Variants in ASIC2 observed in about 807,000 individuals in gnomAD.
ASIC2 encodes the protein acid-sensing ion channel 2.
A neutral mutation model predicts 57.3 loss-of-function variants in ASIC2; 25 were observed. The observed-to-expected ratio is 0.44, with a 90% confidence interval of 0.32 to 0.61. The LOEUF is 0.61. ASIC2 is among the 20% of genes least tolerant of loss of function. The pLI is 0.06. For synonymous variants in ASIC2, 319 were observed against 307.5 expected (o/e 1.04, Z -0.39); for missense variants, 641 against 738.1 (o/e 0.87, Z 1.52).
Position 33,319,072 on chromosome 17 carries a change from C to T in ASIC2, c.556-207005G>A, listed in dbSNP as rs77294638. Among the ~76,000 whole-genome samples the T allele has an allele frequency of 8.3e-3, 1,266 of 152,258 alleles. 10 individuals carry two copies. The highest frequency in any genetic ancestry group is 0.023 in the South Asian group (109 of 4,820). ...TTGAGATCAAGAGTTTGAGACCAGC[C>T]TGACCAACATGGCCAGGTGTGGTGG... On this transcript the variant is annotated intron_variant, in intron 1 of 9. Coordinates refer to the ASIC2 transcript ENST00000359872.
At chr17:33,111,870 G>C in intron 2 of ASIC2, 47 bp downstream of exon 2, 1 of 1,566,906 alleles carries the variant, frequency 6.4e-7, no homozygotes, top group Non-Finnish European at 8.7e-7. Context: ...AGTCAGGCCT[G>C]CAACCCTCCA....
chr17:33,171,356 C>T (rs2142049032), intron 1 of ASIC2, among the ~76,000 whole-genome samples: 1 of 152,290 alleles, frequency 6.6e-6, no homozygotes, highest in South Asian at 2.1e-4. Flanking sequence ...TCAGAGGCTC[C>T]TCAAACTCAA....
chr17:33,798,409 A>C (rs1254166802), intron 1 of ASIC2, among the ~76,000 whole-genome samples: 3 of 152,142 alleles, frequency 2.0e-5, no homozygotes, highest in Admixed American at 6.5e-5. Context: ...CAAAATATTC[A>C]GTGGTGACGC....
At chr17:34,101,559 A>T (rs946792661) in intron 1 of ASIC2, among the ~76,000 whole-genome samples, 5 of 152,210 alleles carry the variant, frequency 3.3e-5, no homozygotes, top group Non-Finnish European at 7.3e-5. Context: ...TAATGATTTA[A>T]TAATATATTT....
At chr17:33,738,618 A>G (rs1909999937) in intron 1 of ASIC2, among the ~76,000 whole-genome samples, 1 of 152,144 alleles carries the variant, frequency 6.6e-6, no homozygotes, top group African/African-American at 2.4e-5. Context: ...CCTCTGTGTC[A>G]GTGCCCCACC....
chr17:34,018,580 T>C (rs1286715867), intron 1 of ASIC2, among the ~76,000 whole-genome samples: 1 of 152,242 alleles, frequency 6.6e-6, no homozygotes, highest in Non-Finnish European at 1.5e-5. Context: ...ATCACCATTC[T>C]AGATATAATT....
At chr17:33,934,948 G>T (rs1916027638) in intron 1 of ASIC2, among the ~76,000 whole-genome samples, 1 of 152,174 alleles carries the variant, frequency 6.6e-6, no homozygotes, top group Non-Finnish European at 1.5e-5. Context: ...GTGCTGGAAA[G>T]GTCCTCATAC....
At chr17:33,800,255 G>T (rs1169504925) in intron 1 of ASIC2, among the ~76,000 whole-genome samples, 1 of 152,144 alleles carries the variant, frequency 6.6e-6, no homozygotes, top group East Asian at 1.9e-4. Flanking sequence ...TCCTAAAGAA[G>T]TTCAACTTGG....
At chr17:33,288,583 C>T (rs986786298) in intron 1 of ASIC2, among the ~76,000 whole-genome samples, 2 of 152,102 alleles carry the variant, frequency 1.3e-5, no homozygotes, top group Non-Finnish European at 2.9e-5. Context: ...ACTACTCTGG[C>T]TGTAAAGCAG....
upstream of ASIC2, among the ~76,000 whole-genome samples, chr17:33,293,775 G>A (rs1905607285): frequency 6.6e-6 from 1 of 152,098 alleles, no homozygotes; most frequent in Non-Finnish European, 1.5e-5. Flanking sequence ...AGAGTGTGGT[G>A]CATGCAGGAT....
chr17:33,884,668 C>T (rs1914784706), intron 1 of ASIC2, among the ~76,000 whole-genome samples: 1 of 152,078 alleles, frequency 6.6e-6, no homozygotes, highest in East Asian at 1.9e-4. Flanking sequence ...TCCATGCAGG[C>T]TCTTATATCT....
intron 1 of ASIC2, among the ~76,000 whole-genome samples, chr17:34,075,131 A>G (rs11658161): frequency 0.17 from 25,757 of 152,072 alleles, 3,013 homozygotes; most frequent in African/African-American, 0.32. Flanking sequence ...GGAATGGACC[A>G]TGTGCTTGTG....
At chr17:33,580,611 A>C (rs1370730952) in intron 1 of ASIC2, among the ~76,000 whole-genome samples, 1 of 152,062 alleles carries the variant, frequency 6.6e-6, no homozygotes, top group Non-Finnish European at 1.5e-5. Context: ...GCTCAGGATT[A>C]GGAGGAGTTA....
chr17:33,070,175 G>A (rs527568709), intron 3 of ASIC2, among the ~76,000 whole-genome samples: 2 of 152,038 alleles, frequency 1.3e-5, no homozygotes, highest in East Asian at 1.9e-4. Flanking sequence ...TGTCCTTTAC[G>A]ATATTGCTGT....
chr17:33,568,997 T>C (rs1916341710), intron 1 of ASIC2, among the ~76,000 whole-genome samples: 3 of 152,238 alleles, frequency 2.0e-5, no homozygotes, highest in Admixed American at 6.5e-5. Flanking sequence ...AGTTTTGATT[T>C]ATGTCTTCCC....
chr17:33,214,977 T>C (rs181705512), intron 1 of ASIC2, among the ~76,000 whole-genome samples: 34 of 152,324 alleles, frequency 2.2e-4, no homozygotes, highest in African/African-American at 6.5e-4. Context: ...GGTTGAATTC[T>C]TGCATCTGGC....
chr17:33,859,911 C>G (rs1914061235), intron 1 of ASIC2, among the ~76,000 whole-genome samples: 1 of 152,214 alleles, frequency 6.6e-6, no homozygotes, highest in Non-Finnish European at 1.5e-5. Flanking sequence ...TCTTGAACTT[C>G]TGTGTTCAAG....
At chr17:33,405,417 T>TCA (rs1567850409) in intron 1 of ASIC2, among the ~76,000 whole-genome samples, 1 of 152,090 alleles carries the variant, frequency 6.6e-6, no homozygotes, top group Non-Finnish European at 1.5e-5. Flanking sequence ...TGGAGAGAGA[T>TCA]CACCCCTCCC....
chr17:33,229,211 C>T (rs886678127), intron 1 of ASIC2, among the ~76,000 whole-genome samples: 51 of 152,026 alleles, frequency 3.4e-4, no homozygotes, highest in African/African-American at 1.1e-3. Context: ...ATAGGAAATG[C>T]GGGGGGAAAG....
Sources: allele counts gnomAD v4.1 joint callset (sites outside exome capture counted in the v4.1 genomes callset), GRCh38; gene constraint gnomAD v4.1.1; transcripts MANE v1.5; gene names NCBI Gene and HGNC (gene_info 2026-07-23, HGNC 2026-07-21).